Variants in FAM234A observed in about 807,000 individuals in gnomAD.
FAM234A encodes the protein family with sequence similarity 234 member A.
In FAM234A, 42 loss-of-function variants were observed where a neutral mutation model predicts 49.1. The ratio of observed to expected loss-of-function variants is 0.86; its 90% confidence interval spans 0.67 to 1.11. The LOEUF is 1.11. Ranked by LOEUF, FAM234A falls within the 50% of genes least tolerant of loss-of-function variation. FAM234A has a pLI of 0.00. For synonymous variants in FAM234A, 369 were observed against 316.2 expected (o/e 1.17, Z -1.77); for missense variants, 815 against 745.2 (o/e 1.09, Z -1.09).
rs763403988 is a variant in FAM234A at position 264,607 on chromosome 16, G to A, written c.1345-7G>A. The A allele has an allele frequency of 2.6e-5, 41 of 1,598,044 alleles. No individual in the cohort carries two copies. The Admixed American group carries it at 3.5e-4, about 14-fold the overall frequency. On this transcript the variant is annotated splice_region_variant and splice_polypyrimidine_tract_variant and intron_variant, in intron 11 of 12. Coordinates refer to ENST00000399932, the MANE Select transcript of FAM234A (RefSeq NM_032039.4). The stretch of plus-strand genomic sequence containing the variant: ...GGCGTGGGGCCCATTGCTGGTTCTC[G>A]CTCCAGGAGACCGGGGAGGCCCGGC...
At position 263,792 on chromosome 16, in the gene FAM234A, T is replaced by G. The variant is rs751623956; in HGVS notation, c.1188+17T>G. Reference sequence around the variant, plus strand: ...GACAGACAGGTTCGTTGTTCTTCCTTCGGAGGTGGCACCTTTGTTCTTAGC... The same window carrying G: ...GACAGACAGGTTCGTTGTTCTTCCTGCGGAGGTGGCACCTTTGTTCTTAGC... On this transcript the variant is annotated intron_variant, in intron 10 of 12. Transcript: ENST00000399932. The G allele has an allele frequency of 3.1e-6, 5 of 1,598,996 alleles. No homozygotes were observed. In the South Asian group the frequency reaches 4.4e-5, roughly 14 times the overall value.
At chr16:238,964 C>T (rs1454274644) in intron 1 of FAM234A, among the ~76,000 whole-genome samples, 2 of 146,246 alleles carry the variant, frequency 1.4e-5, no homozygotes, top group African/African-American at 2.5e-5. Flanking sequence ...TGCCTGTAGT[C>T]CCAGCTACTC....
intron 11 of FAM234A, 78 bp from the exon 12 acceptor site, chr16:264,536 G>A: frequency 1.0e-6 from 1 of 992,158 alleles, no homozygotes. Flanking sequence ...AGAGCTCCAG[G>A]CACGGTCACT....
chr16:250,016 G>A (rs2050943047), intron 2 of FAM234A, among the ~76,000 whole-genome samples: 1 of 152,152 alleles, frequency 6.6e-6, no homozygotes, highest in Non-Finnish European at 1.5e-5. Flanking sequence ...CGCGATCTCG[G>A]CTCACTGCAA....
chr16:269,309 G>A, downstream of FAM234A: 12 of 1,594,078 alleles, frequency 7.5e-6, no homozygotes, highest in Non-Finnish European at 1.0e-5. Flanking sequence ...ACAAGCCGCT[G>A]TGGGCTCCAC....
chr16:237,480 A>G (rs2050445126), intron 1 of FAM234A, among the ~76,000 whole-genome samples: 2 of 152,022 alleles, frequency 1.3e-5, no homozygotes, highest in African/African-American at 4.8e-5. Context: ...AAAAGAACAA[A>G]TAAAATAAAA....
chr16:236,984 G>A (rs1175111062), intron 1 of FAM234A, among the ~76,000 whole-genome samples: 5 of 151,832 alleles, frequency 3.3e-5, no homozygotes, highest in African/African-American at 9.7e-5. Context: ...GAACTCCTGT[G>A]CCCAAGCAAC....
At chr16:250,111 TTAG>T (rs892515166) in intron 2 of FAM234A, among the ~76,000 whole-genome samples, 5 of 152,228 alleles carry the variant, frequency 3.3e-5, no homozygotes, top group Non-Finnish European at 7.3e-5. Flanking sequence ...TTTTGTATTC[TTAG>T]TAGAGACGGG....
chr16:268,631 C>T (rs917776035), downstream of FAM234A: 13 of 742,414 alleles, frequency 1.8e-5, no homozygotes, highest in African/African-American at 5.3e-5. Flanking sequence ...GGGGGGAGGC[C>T]GCGGCCTCGA....
intron 1 of FAM234A, among the ~76,000 whole-genome samples, chr16:241,009 G>A (rs1189282457): frequency 2.0e-5 from 3 of 151,852 alleles, no homozygotes; most frequent in East Asian, 1.9e-4. Flanking sequence ...TGTGATCTCC[G>A]CTCACCTCCC....
downstream of FAM234A, chr16:269,842 G>A (rs1024180599): frequency 2.9e-5 from 13 of 448,806 alleles, no homozygotes; most frequent in East Asian, 1.5e-4. Flanking sequence ...AATAAACCGC[G>A]GCACCTCCTC....
Position 264,060 on chromosome 16 carries a change from A to G in FAM234A, c.1233A>G (p.Leu411=). 6.2e-7 allele frequency: 1 copy of G among 1,613,020 alleles called. No homozygotes were observed. Among genetic ancestry groups the G allele is most frequent in the South Asian group, 1.1e-5 (1 of 91,066 alleles). The part of the protein sequence containing the change: ...DLGTGAVLCS[L]ALPSLPGGPL... ...GCACTGGAGCCGTCCTGTGTAGCCT[A>G]GCCCTCCCGAGCCTCCCTGGGGGTC... is the stretch of plus-strand genomic sequence containing the variant. The change falls in exon 11 of 13, where the codon CTA becomes CTG. Residue 411 remains leucine, a synonymous_variant. Transcript: ENST00000399932.
chr16:264,683 G>C lies in FAM234A; in HGVS notation c.1414G>C (p.Ala472Pro). 6.2e-7 allele frequency: 1 copy of C among 1,612,080 alleles called. No individual in the cohort carries two copies. Among genetic ancestry groups the C allele is most frequent in the Non-Finnish European group, 8.5e-7 (1 of 1,179,950 alleles). ...PTLPRVLLEL[A>P]NVSTHIVAFD... ...CCTGCCGCGCGTGCTGCTGGAGCTG[G>C]CCAATGTCTCTACCCACATTGTCGC... Residue 472 changes from alanine to proline, a missense_variant, in exon 12 of 13, where the codon GCC (alanine) becomes CCC (proline). Transcript: ENST00000399932.
At chr16:268,032 C>T (rs532912028), downstream of FAM234A, among the ~76,000 whole-genome samples, 6 of 148,774 alleles carry the variant, frequency 4.0e-5, no homozygotes, top group South Asian at 1.3e-3. Context: ...GCATGCCTCA[C>T]AGTACACCTG....
At chr16:237,632 C>T (rs1401388733) in intron 1 of FAM234A, among the ~76,000 whole-genome samples, 1 of 151,910 alleles carries the variant, frequency 6.6e-6, no homozygotes, top group African/African-American at 2.4e-5. Flanking sequence ...CATGTCCTCA[C>T]ATGGTAATTA....
At chr16:263,445 C>A (rs767352177) in intron 9 of FAM234A, 43 bp downstream of exon 9, 10 of 1,595,718 alleles carry the variant, frequency 6.3e-6, no homozygotes, top group Non-Finnish European at 7.7e-6. Flanking sequence ...TGCACCCCTT[C>A]CCGGCATCCC....
rs750267480 is a variant in FAM234A, at chr16:264,656, ACCCTG to A, written c.1390_1394del (p.Leu464AlafsTer17). 3.1e-6 allele frequency: 5 copies of A among 1,611,476 alleles called. No individual in the cohort carries two copies. The highest frequency in any genetic ancestry group is 4.2e-6 in the Non-Finnish European group (5 of 1,179,896). ...GCACAGCCTGTACATGTTCCACCCC[ACCCTG>A]CCGCGCGTGCTGCTGGAGCTGGCCA... On this transcript the variant is annotated frameshift_variant, in exon 12 of 13. Coordinates refer to ENST00000399932, the MANE Select transcript of FAM234A (RefSeq NM_032039.4). LOFTEE classifies it high-confidence loss of function.
chr16:260,944 G>T (rs993540053), intron 5 of FAM234A, among the ~76,000 whole-genome samples: 5 of 152,178 alleles, frequency 3.3e-5, no homozygotes, highest in Non-Finnish European at 5.9e-5. Context: ...GGGCCACTCA[G>T]CTGGGGCCTG....
At chr16:259,847 C>T (rs2051385719) in intron 4 of FAM234A, 122 bp from the exon 5 acceptor site, 13 of 889,988 alleles carry the variant, frequency 1.5e-5, no homozygotes, top group African/African-American at 3.3e-5. Context: ...ATCCACCTGG[C>T]GGGAGGGGCT....
Sources: gnomAD v4.1 joint callset for allele counts (sites outside exome capture counted in the v4.1 genomes callset) on GRCh38, gnomAD v4.1.1 for gene constraint, MANE v1.5 for transcripts, NCBI Gene and HGNC (gene_info 2026-07-23, HGNC 2026-07-21) for gene names.